Variants in SKAP1 observed in about 807,000 individuals in gnomAD.
SKAP1 encodes the protein src kinase-associated phosphoprotein 1.
A neutral mutation model predicts 58.5 loss-of-function variants in SKAP1; 44 were observed. The observed-to-expected ratio is 0.75, with a 90% confidence interval of 0.59 to 0.97. The LOEUF (loss-of-function observed/expected upper bound fraction) is 0.97, where lower values mean the gene tolerates loss of function less well. Among genes scored for constraint, SKAP1 ranks in the 50% least tolerant of loss-of-function variants. The probability of loss-of-function intolerance (pLI) is 0.00; values close to 1 mark genes in which losing one functional copy is unlikely to be tolerated. For missense variants in SKAP1, 390 were observed against 435.2 expected, an observed-to-expected ratio of 0.90 and a Z score of 0.92; for synonymous variants, 127 against 149.7, an observed-to-expected ratio of 0.85 and a Z score of 1.11.
chr17:48,359,207 A>C (rs2066908560), intron 3 of SKAP1, among the ~76,000 whole-genome samples: 1 of 152,198 alleles, frequency 6.6e-6, no homozygotes, highest in Non-Finnish European at 1.5e-5. Context: ...TACATCATTC[A>C]GCTTCAACAA....
intron 4 of SKAP1, among the ~76,000 whole-genome samples, chr17:48,340,586 A>G (rs1250417425): frequency 6.6e-6 from 1 of 152,204 alleles, no homozygotes; most frequent in African/African-American, 2.4e-5. Flanking sequence ...AAGTCCAAAG[A>G]ATCAAAATAA....
chr17:48,326,428 C>T (rs1045973385), intron 4 of SKAP1, among the ~76,000 whole-genome samples: 1 of 152,148 alleles, frequency 6.6e-6, no homozygotes, highest in African/African-American at 2.4e-5. Flanking sequence ...GGCTCAGGCG[C>T]CTCAATCTTC....
intron 4 of SKAP1, among the ~76,000 whole-genome samples, chr17:48,340,771 T>C (rs2066640952): frequency 2.0e-5 from 3 of 152,196 alleles, no homozygotes; most frequent in Admixed American, 2.0e-4. Context: ...AAGGAAATGA[T>C]AAAACACTTA....
chr17:48,229,495 A>G (rs1467089406), intron 4 of SKAP1, among the ~76,000 whole-genome samples: 1 of 151,834 alleles, frequency 6.6e-6, no homozygotes, highest in Non-Finnish European at 1.5e-5. Context: ...GTGGTGGGTG[A>G]CTGTAATCTC....
intron 4 of SKAP1, among the ~76,000 whole-genome samples, chr17:48,325,722 A>ATATAATG (rs2144243576): frequency 6.6e-6 from 1 of 152,334 alleles, no homozygotes; most frequent in African/African-American, 2.4e-5. Context: ...TCAATTCTAG[A>ATATAATG]TATAATGTGC....
intron 1 of SKAP1, among the ~76,000 whole-genome samples, chr17:48,398,549 GA>G (rs2067451712): frequency 6.6e-6 from 1 of 152,066 alleles, no homozygotes; most frequent in Non-Finnish European, 1.5e-5. Flanking sequence ...CCGGTCCATG[GA>G]AAAATTGTCT....
chr17:48,197,212 T>C (rs7213876), intron 4 of SKAP1, among the ~76,000 whole-genome samples: 82,752 of 147,190 alleles, frequency 0.56, 24,039 homozygotes, highest in East Asian at 0.77. Flanking sequence ...GAGCCGAGAT[T>C]GCGCCACTGC....
chr17:48,359,729 C>A (rs1473739995), intron 3 of SKAP1, among the ~76,000 whole-genome samples: 1 of 152,102 alleles, frequency 6.6e-6, no homozygotes, highest in Non-Finnish European at 1.5e-5. Context: ...ACCTCAGCCT[C>A]CCAAGCAGCT....
intron 4 of SKAP1, among the ~76,000 whole-genome samples, chr17:48,342,812 C>T (rs368766429): frequency 5.9e-5 from 9 of 151,974 alleles, no homozygotes; most frequent in African/African-American, 7.3e-5. Context: ...GGTGAAACCC[C>T]GTCTCTACTA....
chr17:48,346,595 G>A (rs923403229), intron 3 of SKAP1, among the ~76,000 whole-genome samples: 1 of 151,828 alleles, frequency 6.6e-6, no homozygotes, highest in South Asian at 2.1e-4. Flanking sequence ...TTGCACTCCG[G>A]CCTGGGTGAC....
intron 4 of SKAP1, among the ~76,000 whole-genome samples, chr17:48,254,642 T>C (rs1292375223): frequency 6.6e-6 from 1 of 150,640 alleles, no homozygotes; most frequent in Non-Finnish European, 1.5e-5. Flanking sequence ...ATTAATTCAT[T>C]CTGTCATATT....
intron 3 of SKAP1, among the ~76,000 whole-genome samples, chr17:48,349,229 A>G (rs2066764309): frequency 6.6e-6 from 1 of 152,202 alleles, no homozygotes; most frequent in African/African-American, 2.4e-5. Flanking sequence ...ACATAACTGT[A>G]CGTGTTCTCT....
chr17:48,320,170 T>C (rs1255981723), intron 4 of SKAP1, among the ~76,000 whole-genome samples: 1 of 152,042 alleles, frequency 6.6e-6, no homozygotes, highest in Non-Finnish European at 1.5e-5. Context: ...CAAGAAACAG[T>C]CTCTCATGAA....
At chr17:48,402,950 C>T (rs537191750) in intron 1 of SKAP1, among the ~76,000 whole-genome samples, 12 of 151,956 alleles carry the variant, frequency 7.9e-5, no homozygotes, top group East Asian at 5.8e-4. Context: ...GGTTTTCTTT[C>T]GGTGTAATGA....
chr17:48,299,123 T>C (rs2066024330), intron 4 of SKAP1, among the ~76,000 whole-genome samples: 1 of 152,220 alleles, frequency 6.6e-6, no homozygotes, highest in Non-Finnish European at 1.5e-5. Context: ...GATCACAGAA[T>C]GTTGGCATTT....
intron 4 of SKAP1, among the ~76,000 whole-genome samples, chr17:48,277,036 G>A (rs1246879074): frequency 1.3e-5 from 2 of 152,218 alleles, no homozygotes. Context: ...TCTATGAAAT[G>A]TCTGCACAAT....
chr17:48,257,085 A>C (rs2065431266), intron 4 of SKAP1, among the ~76,000 whole-genome samples: 1 of 152,146 alleles, frequency 6.6e-6, no homozygotes, highest in South Asian at 2.1e-4. Context: ...CAAATGTTTA[A>C]GCCTCACAAC....
At chr17:48,355,529 C>T (rs1322452962) in intron 3 of SKAP1, among the ~76,000 whole-genome samples, 3 of 152,172 alleles carry the variant, frequency 2.0e-5, no homozygotes, top group Non-Finnish European at 2.9e-5. Context: ...CAGCCTCCCT[C>T]GGCTTCCCAA....
At chr17:48,200,945 T>C (rs529119459) in intron 4 of SKAP1, among the ~76,000 whole-genome samples, 7 of 152,344 alleles carry the variant, frequency 4.6e-5, no homozygotes, top group African/African-American at 1.7e-4. Flanking sequence ...AAACCACTTC[T>C]AGCCTAATAG....
Sources: allele counts gnomAD v4.1 joint callset (sites outside exome capture counted in the v4.1 genomes callset), GRCh38; gene constraint gnomAD v4.1.1; transcripts MANE v1.5; gene names NCBI Gene and HGNC (gene_info 2026-07-23, HGNC 2026-07-21).